CACNA1G: variants seen among roughly 807,000 people sequenced by gnomAD.
CACNA1G encodes calcium voltage-gated channel subunit alpha1 G, also known as voltage-dependent T-type calcium channel subunit alpha-1G.
Under a neutral mutation model 219.4 loss-of-function variants are expected in CACNA1G, and 67 were observed. The observed-to-expected ratio is 0.31, with a 90% CI of 0.25 to 0.37. The LOEUF (loss-of-function observed/expected upper bound fraction) is 0.37. Ranked by LOEUF, CACNA1G falls within the 10% of genes least tolerant of loss-of-function variation. The probability of loss-of-function intolerance (pLI) is 1.00; values close to 1 mark genes in which losing one functional copy is unlikely to be tolerated. For synonymous variants in CACNA1G, 1,296 were observed against 1,345.3 expected (o/e 0.96, Z 0.80); for missense variants, 2,380 against 3,231.4 (o/e 0.74, Z 6.39).
At chr17:50,563,627 T>C (rs904137404) in intron 1 of CACNA1G, 2 of 152,218 alleles carry the variant, frequency 1.3e-5, no homozygotes, top group Admixed American at 1.3e-4. Context: ...ACTCCTTCAC[T>C]GAGTGGTCTG....
chr17:50,583,942 G>A (rs570843162), intron 9 of CACNA1G, among the ~76,000 whole-genome samples: 111 of 152,264 alleles, frequency 7.3e-4, no homozygotes, highest in Non-Finnish European at 1.2e-3. Flanking sequence ...CTATGGGAAC[G>A]AGGGGTTGTG....
At chr17:50,566,077 C>T (rs1567949488) in intron 1 of CACNA1G, among the ~76,000 whole-genome samples, 1 of 152,152 alleles carries the variant, frequency 6.6e-6, no homozygotes, top group Non-Finnish European at 1.5e-5. Context: ...TGGTTTTCCC[C>T]CAACCTGATA....
chr17:50,619,169 CA>C (rs1259636236), intron 33 of CACNA1G, among the ~76,000 whole-genome samples, 161 bp downstream of exon 33: 1 of 152,208 alleles, frequency 6.6e-6, no homozygotes, highest in East Asian at 1.9e-4. Context: ...TGCCCCTCCC[CA>C]GGGATGGCTG....
chr17:50,568,751 A>G, intron 1 of CACNA1G, 119 bp from the exon 2 acceptor site: 1 of 775,226 alleles, frequency 1.3e-6, no homozygotes, highest in Non-Finnish European at 2.2e-6. Flanking sequence ...GGGCCCTGGC[A>G]CCACACCTGC....
rs546114872 is a variant in CACNA1G at position 50,612,516 on chromosome 17, C to T, written c.4759+2581C>T. Among the ~76,000 whole-genome samples the T allele has an allele frequency of 2.0e-5, 3 of 152,388 alleles. No homozygotes were observed. In the South Asian group the frequency reaches 6.2e-4, roughly 32 times the overall value. ...CTTCACTCACTCACCCTCTTTCCTT[C>T]CACCAGGCCGGGACCCAGTGATCAG... On this transcript the variant is annotated intron_variant, in intron 26 of 37. Coordinates refer to ENST00000359106, the MANE Select transcript of CACNA1G (RefSeq NM_018896.5).
chr17:50,584,075 G>A (rs2042528078), intron 9 of CACNA1G, among the ~76,000 whole-genome samples: 1 of 152,174 alleles, frequency 6.6e-6, no homozygotes, highest in South Asian at 2.1e-4. Flanking sequence ...GAGCATGATG[G>A]CGCCACCCGG....
Position 50,603,092 on chromosome 17 carries a change from G to A in CACNA1G, c.4062G>A (p.Val1354=). The A allele has an allele frequency of 6.2e-7, 1 of 1,613,544 alleles. No individual in the cohort carries two copies. The highest frequency in any genetic ancestry group is 1.1e-5 in the South Asian group (1 of 91,070). Residue 1354 remains valine, a synonymous_variant, in exon 21 of 38, where the codon GTG becomes GTA. Coordinates refer to ENST00000359106, the MANE Select transcript of CACNA1G (RefSeq NM_018896.5). This position sits in a 1 kb window ranked among gnomAD's most constrained non-coding sequence, Gnocchi z 6.4. ...GGAACGTGCTGGACGGGCTGTTGGT[G>A]CTCATCTCCGTCATCGACATTCTGG... The part of the protein sequence containing the change: ...SSWNVLDGLL[V]LISVIDILVS...
Position 50,617,812 on chromosome 17 carries a change from G to T in CACNA1G, c.5156-47G>T. On this transcript the variant is annotated intron_variant, in intron 29 of 37. Coordinates refer to ENST00000359106, the MANE Select transcript of CACNA1G (RefSeq NM_018896.5). The surrounding 1 kb of genome is among the most constrained non-coding windows in gnomAD (Gnocchi z 5.8). ...TGGTCCTGACTCTGCCAGCTGTCTG[G>T]CCGGGGACCCAAAGAGGCCAGCTCA... The T allele has an allele frequency of 1.2e-6, 2 of 1,600,656 alleles. No homozygotes were observed. The highest frequency in any genetic ancestry group is 1.7e-6 in the Non-Finnish European group (2 of 1,171,340).
Position 50,618,011 on chromosome 17 carries a change from C to T in CACNA1G, c.5227-37C>T. On this transcript the variant is annotated intron_variant, in intron 30 of 37. Coordinates refer to ENST00000359106, the MANE Select transcript of CACNA1G (RefSeq NM_018896.5). The surrounding 1 kb of genome is among the most constrained non-coding windows in gnomAD (Gnocchi z 5.3). Reference sequence around the variant, plus strand: ...GCTCAGAGAAGCTGACTGGGAGACCCAGCGGCATCGTTTCTATTTCTTCTC... The same window carrying T: ...GCTCAGAGAAGCTGACTGGGAGACCTAGCGGCATCGTTTCTATTTCTTCTC... 2 of 1,612,774 alleles carry T rather than the reference C, an allele frequency of 1.2e-6. No homozygotes were observed. Among genetic ancestry groups the T allele is most frequent in the Admixed American group, 3.3e-5 (2 of 59,996 alleles).
Position 50,621,319 on chromosome 17 carries a change from G to A in CACNA1G, c.5926-341G>A, listed in dbSNP as rs938730657. 2.7e-5 allele frequency among the ~76,000 whole-genome samples: 4 copies of A among 150,230 alleles called. No homozygotes were observed. The highest frequency in any genetic ancestry group is 9.9e-5 in the African/African-American group (4 of 40,570). ...AGAGTCGCAAGCCCTCGGTCCTCCC[G>A]CTCCCTCCCTGGGTGGTGGTAGTGT... On this transcript the variant is annotated intron_variant, in intron 34 of 37. Transcript: ENST00000359106. The surrounding 1 kb of genome is among the most constrained non-coding windows in gnomAD (Gnocchi z 4.6).
chr17:50,617,518 T>A lies in CACNA1G; in HGVS notation c.5102T>A (p.Leu1701Gln), dbSNP rs2050840966. ...TLEEIEVNAS[L>Q]PINPTIIRIM... is the part of the protein sequence containing the mutation. The stretch of plus-strand genomic sequence containing the variant: ...GAGGAAATCGAGGTCAACGCCTCGC[T>A]GCCCATCAACCCCACCATCATCCGC... Residue 1701 changes from leucine to glutamine, a missense_variant, in exon 29 of 38, where the codon CTG becomes CAG. This residue lies in a region of CACNA1G where 123 missense variants were observed against 258.4 expected (regional missense o/e 0.48). Coordinates refer to ENST00000359106, the MANE Select transcript of CACNA1G (RefSeq NM_018896.5). This position sits in a 1 kb window ranked among gnomAD's most constrained non-coding sequence, Gnocchi z 5.8. The A allele has an allele frequency of 6.2e-7, 1 of 1,614,060 alleles. No homozygotes were observed. The highest frequency in any genetic ancestry group is 8.5e-7 in the Non-Finnish European group (1 of 1,179,894).
Position 50,581,192 on chromosome 17 carries a change from G to A in CACNA1G, c.2301+2628G>A, listed in dbSNP as rs541248615. 5.3e-5 allele frequency among the ~76,000 whole-genome samples: 8 copies of A among 151,928 alleles called. No individual in the cohort carries two copies. The South Asian group carries it at 1.7e-3, about 32-fold the overall frequency. On this transcript the variant is annotated intron_variant, in intron 9 of 37. Transcript: ENST00000359106. ...CAGCGGAGACAGACAGAGACAAATG[G>A]AGCCACAGAGACACACAGGGAGACA... is the stretch of plus-strand genomic sequence containing the variant.
intron 19 of CACNA1G, among the ~76,000 whole-genome samples, chr17:50,601,785 G>A (rs548496724): frequency 1.4e-4 from 22 of 152,250 alleles, no homozygotes; most frequent in Non-Finnish European, 2.2e-4. Flanking sequence ...CTTCGCTGTC[G>A]GCAGCAATTC....
At position 50,623,300 on chromosome 17, in the gene CACNA1G, T is replaced by C. The variant is rs535060985; in HGVS notation, c.6061-607T>C. Among the ~76,000 whole-genome samples, 111 of 101,702 alleles carry C rather than the reference T, an allele frequency of 1.1e-3. 1 individual carries two copies. The highest frequency in any genetic ancestry group is 2.2e-3 in the South Asian group (7 of 3,122). The allele number at this position is 101,702 out of a possible 152,430, so 66.7% of individuals were successfully genotyped here. On this transcript the variant is annotated intron_variant, in intron 35 of 37. Transcript: ENST00000359106. ...TTTTTTTTTTTTTTTTTTTTAGAAA[T>C]GGGGTTTTGCCATGTTGCCCAGGCT... is the stretch of plus-strand genomic sequence containing the variant.
intron 9 of CACNA1G, among the ~76,000 whole-genome samples, chr17:50,580,491 C>T (rs546787908): frequency 2.0e-5 from 3 of 152,310 alleles, no homozygotes; most frequent in South Asian, 2.1e-4. Flanking sequence ...GTTTTGATTG[C>T]ACTGGGAAGA....
intron 9 of CACNA1G, among the ~76,000 whole-genome samples, chr17:50,589,611 A>G (rs546831674): frequency 6.6e-6 from 1 of 152,164 alleles, no homozygotes; most frequent in African/African-American, 2.4e-5. Context: ...AGGGTTCGTC[A>G]TTCGTCCTTC....
intron 1 of CACNA1G, among the ~76,000 whole-genome samples, chr17:50,565,025 C>T (rs866628204): frequency 5.3e-5 from 8 of 151,312 alleles, no homozygotes; most frequent in Non-Finnish European, 1.0e-4. Context: ...ACCACACAGC[C>T]CCCCCCACCC....
At chr17:50,573,331 A>G in intron 7 of CACNA1G, 1 of 533,366 alleles carries the variant, frequency 1.9e-6, no homozygotes, top group Non-Finnish European at 3.4e-6. Flanking sequence ...GACCTTGGGC[A>G]AGTCATTCTC....
intron 22 of CACNA1G, among the ~76,000 whole-genome samples, chr17:50,604,992 C>T (rs2047648208): frequency 6.6e-6 from 1 of 152,140 alleles, no homozygotes; most frequent in Non-Finnish European, 1.5e-5. Context: ...CCACTCTGCC[C>T]TGGGTTGGGG....
Sources: gnomAD v4.1 joint callset for allele counts (sites outside exome capture counted in the v4.1 genomes callset) on GRCh38, gnomAD v4.1.1 for gene constraint, gnomAD v4.1.1 regional missense constraint, Gnocchi (gnomAD v3.1) non-coding constraint, MANE v1.5 for transcripts, NCBI Gene and HGNC (gene_info 2026-07-23, HGNC 2026-07-21) for gene names.